The following HS3ST4 variants were observed in gnomAD, a reference collection of about 807,000 sequenced individuals.
The protein encoded by HS3ST4 is heparan sulfate glucosamine 3-O-sulfotransferase 4.
In HS3ST4, 17 loss-of-function variants were observed where a neutral mutation model predicts 29.2. The observed-to-expected ratio is 0.58, with a 90% confidence interval of 0.40 to 0.87. The LOEUF (loss-of-function observed/expected upper bound fraction) is 0.87. Ranked by LOEUF, HS3ST4 falls within the 40% of genes least tolerant of loss-of-function variation. The pLI, the probability that HS3ST4 is intolerant of heterozygous loss-of-function variation, is 0.00. For synonymous variants in HS3ST4, 314 were observed against 285.7 expected, an observed-to-expected ratio of 1.10 and a Z score of -1.00; for missense variants, 627 against 634.5, an observed-to-expected ratio of 0.99 and a Z score of 0.13.
chr16:25,900,022 C>T (rs1968106981), intron 1 of HS3ST4, among the ~76,000 whole-genome samples: 1 of 152,212 alleles, frequency 6.6e-6, no homozygotes, highest in East Asian at 1.9e-4. Context: ...TAAATGTTCT[C>T]CTGCTTTGAG....
chr16:25,839,483 A>T (rs147951125), intron 1 of HS3ST4, among the ~76,000 whole-genome samples: 64 of 152,296 alleles, frequency 4.2e-4, no homozygotes, highest in African/African-American at 1.5e-3. Context: ...CTCAGCCATT[A>T]TGCATGTTTA....
At chr16:25,907,116 A>G (rs896501663) in intron 1 of HS3ST4, among the ~76,000 whole-genome samples, 2 of 152,148 alleles carry the variant, frequency 1.3e-5, no homozygotes, top group African/African-American at 4.8e-5. Context: ...AACTCACTTG[A>G]GCTCGTGAGT....
chr16:25,969,070 G>A (rs529473859), intron 1 of HS3ST4, among the ~76,000 whole-genome samples: 17 of 152,102 alleles, frequency 1.1e-4, no homozygotes, highest in Admixed American at 7.2e-4. Flanking sequence ...CCACTGTCTC[G>A]GCCTCCCAAA....
At chr16:25,706,610 C>G (rs35151597) in intron 1 of HS3ST4, among the ~76,000 whole-genome samples, 4 of 152,026 alleles carry the variant, frequency 2.6e-5, no homozygotes, top group East Asian at 1.9e-4. Flanking sequence ...TCGGCTCCCA[C>G]TTATGAATGA....
At chr16:25,743,088 A>G in intron 1 of HS3ST4, among the ~76,000 whole-genome samples, 1 of 152,180 alleles carries the variant, frequency 6.6e-6, no homozygotes, top group South Asian at 2.1e-4. Flanking sequence ...CATTCCAGAG[A>G]GTTAGCTGTC....
At chr16:25,699,083 G>A (rs1430580752) in intron 1 of HS3ST4, among the ~76,000 whole-genome samples, 3 of 152,148 alleles carry the variant, frequency 2.0e-5, no homozygotes, top group African/African-American at 7.2e-5. Context: ...AAGCCCAGTG[G>A]GGGCCAACAT....
At chr16:25,958,224 G>A (rs1385731700) in intron 1 of HS3ST4, among the ~76,000 whole-genome samples, 1 of 152,166 alleles carries the variant, frequency 6.6e-6, no homozygotes, top group African/African-American at 2.4e-5. Context: ...GGAAACTTTG[G>A]TTATCTTTGC....
intron 1 of HS3ST4, among the ~76,000 whole-genome samples, chr16:25,742,572 A>G (rs1445612832): frequency 6.6e-6 from 1 of 152,228 alleles, no homozygotes; most frequent in African/African-American, 2.4e-5. Context: ...TAGGGGTGCT[A>G]TTAGAAGAAT....
intron 1 of HS3ST4, among the ~76,000 whole-genome samples, chr16:25,894,911 A>G (rs1372913313): frequency 6.6e-6 from 1 of 152,232 alleles, no homozygotes; most frequent in African/African-American, 2.4e-5. Context: ...TTATGTATTC[A>G]TTCAGCAAAC....
chr16:26,011,727 G>GTA (rs1969313414), intron 1 of HS3ST4, among the ~76,000 whole-genome samples: 2 of 151,254 alleles, frequency 1.3e-5, no homozygotes, highest in African/African-American at 4.9e-5. Context: ...AGAGAGGTGT[G>GTA]TGTGTGTGTG....
At chr16:25,977,825 A>G (rs1968959097) in intron 1 of HS3ST4, among the ~76,000 whole-genome samples, 1 of 152,198 alleles carries the variant, frequency 6.6e-6, no homozygotes, top group Non-Finnish European at 1.5e-5. Flanking sequence ...TGGAACACCA[A>G]GCACTTCTGA....
intron 1 of HS3ST4, among the ~76,000 whole-genome samples, chr16:25,891,004 AG>A (rs1393708955): frequency 1.3e-5 from 2 of 152,224 alleles, no homozygotes; most frequent in Non-Finnish European, 2.9e-5. Context: ...CTGAGGGGTC[AG>A]AAACAGCTTC....
chr16:25,842,066 C>A (rs1271086678), intron 1 of HS3ST4, among the ~76,000 whole-genome samples: 1 of 152,220 alleles, frequency 6.6e-6, no homozygotes, highest in African/African-American at 2.4e-5. Flanking sequence ...CACAAACATG[C>A]AAGTCAATGG....
intron 1 of HS3ST4, among the ~76,000 whole-genome samples, chr16:26,083,377 A>G (rs1271059774): frequency 6.6e-6 from 1 of 152,230 alleles, no homozygotes; most frequent in African/African-American, 2.4e-5. Flanking sequence ...TAAGCATTAT[A>G]TAGTTTCCCC....
chr16:25,741,364 G>GGAAA (rs1567230900), intron 1 of HS3ST4, among the ~76,000 whole-genome samples: 1 of 13,806 alleles, frequency 7.2e-5, no homozygotes, highest in Admixed American at 1.0e-3. Flanking sequence ...TGAATTCAAG[G>GGAAA]TAAAAAAAAA....
intron 1 of HS3ST4, among the ~76,000 whole-genome samples, chr16:26,049,914 G>A (rs1017190595): frequency 6.6e-6 from 1 of 152,186 alleles, no homozygotes; most frequent in African/African-American, 2.4e-5. Flanking sequence ...AAGCATGTGG[G>A]AAGGAGTGAG....
chr16:25,842,606 G>T (rs1159542096), intron 1 of HS3ST4, among the ~76,000 whole-genome samples: 2 of 152,104 alleles, frequency 1.3e-5, no homozygotes, highest in Non-Finnish European at 2.9e-5. Context: ...CTTTGTTTTT[G>T]TGTTTTATTA....
intron 1 of HS3ST4, among the ~76,000 whole-genome samples, chr16:25,934,345 A>G (rs1389689476): frequency 2.0e-5 from 3 of 152,226 alleles, no homozygotes; most frequent in Non-Finnish European, 4.4e-5. Flanking sequence ...CTCATAGCAC[A>G]GATGCCCCAA....
intron 1 of HS3ST4, among the ~76,000 whole-genome samples, chr16:25,943,802 A>G (rs1194341259): frequency 6.6e-6 from 1 of 152,060 alleles, no homozygotes; most frequent in African/African-American, 2.4e-5. Context: ...CCTCACAACA[A>G]CGTGGTGAGA....
Sources: gnomAD v4.1 joint callset for allele counts (sites outside exome capture counted in the v4.1 genomes callset) on GRCh38, gnomAD v4.1.1 for gene constraint, MANE v1.5 for transcripts, NCBI Gene and HGNC (gene_info 2026-07-23, HGNC 2026-07-21) for gene names.